HECW1: variants seen among roughly 807,000 people sequenced by gnomAD.
HECW1 encodes the protein HECT, C2 and WW domain containing E3 ubiquitin protein ligase 1.
HECW1 carries 61 observed loss-of-function variants against 182.3 expected under a neutral mutation model. The ratio of observed to expected loss-of-function variants is 0.33; its 90% CI spans 0.27 to 0.41. The LOEUF is 0.41. Ranked by LOEUF, HECW1 falls within the 10% of genes least tolerant of loss-of-function variation. The pLI is 1.00. For synonymous variants in HECW1, 859 were observed against 832.6 expected, an observed-to-expected ratio of 1.03 and a Z score of -0.55; for missense variants, 1,739 against 2,108.9, an observed-to-expected ratio of 0.82 and a Z score of 3.44.
intron 8 of HECW1, among the ~76,000 whole-genome samples, chr7:43,421,600 A>G (rs2152857422): frequency 6.6e-6 from 1 of 152,334 alleles, no homozygotes; most frequent in Non-Finnish European, 1.5e-5. Context: ...AGAAACCAAC[A>G]GAAAAATGGA....
In HECW1 at chr7:43,479,659, G is replaced by A. The variant is rs770069189; in HGVS notation, c.3149G>A (p.Arg1050Gln). The change falls in exon 17 of 30, where the codon CGA (arginine) becomes CAA (glutamine). Residue 1050 changes from arginine (R) to glutamine (Q), a missense_variant. Physicochemically the swap from Arg to Gln is conservative, Grantham distance 43. This residue lies in a region of HECW1 where 971 missense variants were observed against 1,029.1 expected (regional missense o/e 0.94). Coordinates refer to ENST00000395891, the MANE Select transcript of HECW1 (RefSeq NM_015052.5). ...CGAGCTACCACTTTCATTGACCCCC[G>A]AATCCCTCTTCAGAACGGTCGTCTT... ...NSRATTFIDP[R>Q]IPLQNGRLPN... 6.2e-7 allele frequency: 1 copy of A among 1,613,852 alleles called. No individual in the cohort carries two copies. The highest frequency in any genetic ancestry group is 8.5e-7 in the Non-Finnish European group (1 of 1,179,976).
intron 6 of HECW1, among the ~76,000 whole-genome samples, chr7:43,362,313 G>T (rs759028064): frequency 6.6e-5 from 10 of 152,156 alleles, no homozygotes; most frequent in Non-Finnish European, 1.3e-4. Context: ...GCAGGCCCGA[G>T]GCCCAAAGCC....
At chr7:43,442,035 G>A (rs1008835918) in intron 9 of HECW1, among the ~76,000 whole-genome samples, 2 of 152,204 alleles carry the variant, frequency 1.3e-5, no homozygotes, top group African/African-American at 2.4e-5. Context: ...TACACAACAC[G>A]ATACTTTCGT....
chr7:43,143,906 C>A (rs1380649706), intron 2 of HECW1, among the ~76,000 whole-genome samples: 1 of 152,186 alleles, frequency 6.6e-6, no homozygotes, highest in Non-Finnish European at 1.5e-5. Flanking sequence ...AGGAGTATAA[C>A]TCATAACCTT....
At position 43,312,026 on chromosome 7, in the gene HECW1, C is replaced by A; in HGVS notation, c.291C>A (p.Val97=). 1 of 1,614,240 alleles carries A rather than the reference C, an allele frequency of 6.2e-7. No homozygotes were observed. The highest frequency in any genetic ancestry group is 1.1e-5 in the South Asian group (1 of 91,072). ...YYSIGHSQDL[V]IHWDIKEEVD... ...CCATCGGGCACTCTCAGGACCTGGT[C>A]ATCCACTGGGACATAAAGGAGGAAG... Residue 97 remains valine (V), a synonymous_variant, in exon 4 of 30, where the codon GTC becomes GTA. Coordinates refer to ENST00000395891, the MANE Select transcript of HECW1 (RefSeq NM_015052.5).
At chr7:43,208,579 A>C (rs1402912273) in intron 2 of HECW1, among the ~76,000 whole-genome samples, 1 of 152,178 alleles carries the variant, frequency 6.6e-6, no homozygotes, top group East Asian at 1.9e-4. Flanking sequence ...GCCTTGTAGG[A>C]TTCAGCAGTT....
chr7:43,417,230 T>C (rs989984878), intron 8 of HECW1, among the ~76,000 whole-genome samples: 1 of 152,106 alleles, frequency 6.6e-6, no homozygotes, highest in African/African-American at 2.4e-5. Flanking sequence ...TTTGTGTTTT[T>C]AGTAGAGATG....
At chr7:43,180,978 C>A (rs1378211763) in intron 2 of HECW1, among the ~76,000 whole-genome samples, 1 of 152,102 alleles carries the variant, frequency 6.6e-6, no homozygotes, top group South Asian at 2.1e-4. Context: ...AACACATTGG[C>A]CGACCTCTCC....
At chr7:43,268,231 ATTAG>A (rs1174526905) in intron 3 of HECW1, among the ~76,000 whole-genome samples, 2 of 152,214 alleles carry the variant, frequency 1.3e-5, no homozygotes, top group Non-Finnish European at 2.9e-5. Context: ...CAGCTACAGA[ATTAG>A]TTACATAAGC....
intron 3 of HECW1, among the ~76,000 whole-genome samples, chr7:43,298,204 G>T (rs911936808): frequency 6.6e-6 from 1 of 152,210 alleles, no homozygotes; most frequent in Non-Finnish European, 1.5e-5. Context: ...CTCTCTCCCT[G>T]CAGTGGTGCT....
chr7:43,279,812 A>G (rs1384155620), intron 3 of HECW1, among the ~76,000 whole-genome samples: 1 of 152,116 alleles, frequency 6.6e-6, no homozygotes, highest in African/African-American at 2.4e-5. Flanking sequence ...CTGAAACTCT[A>G]TGTTGCTTGA....
chr7:43,163,692 C>T (rs10226549), intron 2 of HECW1, among the ~76,000 whole-genome samples: 52,755 of 151,982 alleles, frequency 0.35, 10,690 homozygotes, highest in Non-Finnish European at 0.45. Flanking sequence ...ACTAAGCTCC[C>T]CCAAATGGCT....
intron 5 of HECW1, among the ~76,000 whole-genome samples, chr7:43,348,963 G>A (rs531609925): frequency 6.6e-6 from 1 of 152,214 alleles, no homozygotes; most frequent in South Asian, 2.1e-4. Context: ...TCCATGCACT[G>A]TTGAATAGAA....
chr7:43,264,863 ATT>A (rs1347112591), intron 3 of HECW1, among the ~76,000 whole-genome samples: 1 of 150,636 alleles, frequency 6.6e-6, no homozygotes, highest in East Asian at 1.9e-4. Flanking sequence ...AAAAAAAAAA[ATT>A]GCTATTGTCG....
At chr7:43,339,766 C>T (rs1026359853) in intron 5 of HECW1, among the ~76,000 whole-genome samples, 1 of 152,128 alleles carries the variant, frequency 6.6e-6, no homozygotes, top group Non-Finnish European at 1.5e-5. Flanking sequence ...GGGTGCAGTC[C>T]AATTCTGGTA....
chr7:43,485,512 G>A (rs1165622889), intron 17 of HECW1, among the ~76,000 whole-genome samples: 2 of 152,062 alleles, frequency 1.3e-5, no homozygotes, highest in African/African-American at 2.4e-5. Flanking sequence ...CCTAGAGTGC[G>A]CTTACACAAA....
intron 8 of HECW1, among the ~76,000 whole-genome samples, chr7:43,408,713 C>T (rs895336188): frequency 6.6e-6 from 1 of 152,032 alleles, no homozygotes; most frequent in African/African-American, 2.4e-5. Context: ...AGAAAGTCAT[C>T]ACCACCCATT....
At chr7:43,146,932 G>A (rs1398940760) in intron 2 of HECW1, among the ~76,000 whole-genome samples, 1 of 152,188 alleles carries the variant, frequency 6.6e-6, no homozygotes, top group South Asian at 2.1e-4. Flanking sequence ...CTGGGATACA[G>A]GAACTAGGTT....
chr7:43,185,642 G>T (rs1279138551), intron 2 of HECW1, among the ~76,000 whole-genome samples: 1 of 152,130 alleles, frequency 6.6e-6, no homozygotes, highest in Non-Finnish European at 1.5e-5. Flanking sequence ...ATTCTTTGCT[G>T]ATTATTGTAT....
Sources: allele counts gnomAD v4.1 joint callset (sites outside exome capture counted in the v4.1 genomes callset), GRCh38; gene constraint gnomAD v4.1.1; regional missense constraint gnomAD v4.1.1; transcripts MANE v1.5; gene names NCBI Gene and HGNC (gene_info 2026-07-23, HGNC 2026-07-21).